Variants in ATG5 observed in about 807,000 individuals in gnomAD.
ATG5 encodes autophagy related 5.
In ATG5, 14 loss-of-function variants were observed where a neutral mutation model predicts 36.5. The ratio of observed to expected loss-of-function variants is 0.38; its 90% CI spans 0.25 to 0.60. The LOEUF is 0.60. Ranked by LOEUF, ATG5 falls within the 20% of genes least tolerant of loss-of-function variation. The probability of loss-of-function intolerance (pLI) is 0.60; values close to 1 mark genes in which losing one functional copy is unlikely to be tolerated. For missense variants in ATG5, 195 were observed against 326.7 expected (o/e 0.60, Z 3.11); for synonymous variants, 95 against 101.5 (o/e 0.94, Z 0.38).
rs1344853501 is a variant in ATG5 at position 106,186,679 on chromosome 6, A to G, written c.692-3T>C. 2 of 1,612,948 alleles carry G rather than the reference A, an allele frequency of 1.2e-6. No homozygotes were observed. On this transcript the variant is annotated splice_region_variant and splice_polypyrimidine_tract_variant and intron_variant, in intron 7 of 7. Transcript: ENST00000369076. ...CACTTGATTCTTTTTTTCCCCATCTATTCCAAGAAAGAAACCCAACAACAA... is the reference window on the plus strand; with the variant it reads ...CACTTGATTCTTTTTTTCCCCATCTGTTCCAAGAAAGAAACCCAACAACAA...
chr6:106,273,262 G>A (rs917010624), intron 5 of ATG5, among the ~76,000 whole-genome samples: 3 of 152,090 alleles, frequency 2.0e-5, no homozygotes, highest in African/African-American at 7.2e-5. Context: ...TAGATACACA[G>A]GTAGTAGCTG....
At chr6:106,230,692 C>T (rs192588697) in intron 6 of ATG5, among the ~76,000 whole-genome samples, 104 of 152,156 alleles carry the variant, frequency 6.8e-4, no homozygotes, top group East Asian at 6.8e-3. Flanking sequence ...AAAAACACCC[C>T]TAAGATGTAT....
intron 6 of ATG5, among the ~76,000 whole-genome samples, chr6:106,232,578 AC>A (rs1232490235): frequency 1.3e-5 from 2 of 152,058 alleles, no homozygotes; most frequent in East Asian, 3.9e-4. Context: ...TCCTTTCCCC[AC>A]CAAAGGCAGT....
intron 2 of ATG5, among the ~76,000 whole-genome samples, chr6:106,315,137 T>G (rs1770791316): frequency 6.6e-6 from 1 of 152,194 alleles, no homozygotes; most frequent in Admixed American, 6.5e-5. Flanking sequence ...ATAAGTAGCT[T>G]CCTCCAGTAA....
chr6:106,198,393 AG>A (rs1776285381), intron 7 of ATG5, among the ~76,000 whole-genome samples: 1 of 152,200 alleles, frequency 6.6e-6, no homozygotes, highest in Non-Finnish European at 1.5e-5. Context: ...TAAGAAAAAA[AG>A]TTTTAGTTAT....
chr6:106,323,532 C>A (rs1771178829), intron 1 of ATG5, among the ~76,000 whole-genome samples: 1 of 152,026 alleles, frequency 6.6e-6, no homozygotes, highest in Non-Finnish European at 1.5e-5. Flanking sequence ...AGCCATCACG[C>A]CCGGCCAAGT....
chr6:106,226,536 T>C (rs1777459575), intron 6 of ATG5, among the ~76,000 whole-genome samples: 1 of 151,856 alleles, frequency 6.6e-6, no homozygotes, highest in African/African-American at 2.4e-5. Context: ...CGCAAAGAAC[T>C]AAAAAAAAGT....
chr6:106,227,680 T>TAG (rs1777499734), intron 6 of ATG5, among the ~76,000 whole-genome samples: 1 of 152,186 alleles, frequency 6.6e-6, no homozygotes, highest in South Asian at 2.1e-4. Flanking sequence ...CTTAAGACTG[T>TAG]AGATCAATAC....
intron 5 of ATG5, among the ~76,000 whole-genome samples, chr6:106,249,977 T>C (rs781573261): frequency 2.6e-5 from 4 of 152,226 alleles, no homozygotes; most frequent in African/African-American, 4.8e-5. Flanking sequence ...AAGAGTTCTT[T>C]ATAAATTCTG....
chr6:106,284,658 T>C (rs710091), intron 4 of ATG5, among the ~76,000 whole-genome samples: 7,441 of 152,094 alleles, frequency 0.049, 503 homozygotes, highest in East Asian at 0.25. Flanking sequence ...CCCAGCCTTG[T>C]ACATCATCTT....
At chr6:106,315,088 AC>A (rs1770789517) in intron 2 of ATG5, among the ~76,000 whole-genome samples, 1 of 152,206 alleles carries the variant, frequency 6.6e-6, no homozygotes, top group Non-Finnish European at 1.5e-5. Context: ...AAACAAAAAA[AC>A]AGTCCTATAC....
At chr6:106,235,914 C>A (rs1363985665) in intron 6 of ATG5, among the ~76,000 whole-genome samples, 1 of 152,120 alleles carries the variant, frequency 6.6e-6, no homozygotes, top group Non-Finnish European at 1.5e-5. Context: ...TTCAAGAGGA[C>A]CCCTTCAACA....
intron 5 of ATG5, chr6:106,271,719 C>T (rs1779460841): frequency 6.6e-6 from 1 of 151,738 alleles, no homozygotes; most frequent in African/African-American, 2.4e-5. Context: ...AAACCAACTG[C>T]CAAAAAAATG....
At chr6:106,232,800 T>C (rs915984301) in intron 6 of ATG5, among the ~76,000 whole-genome samples, 2 of 152,166 alleles carry the variant, frequency 1.3e-5, no homozygotes, top group African/African-American at 4.8e-5. Context: ...TATATTCTGC[T>C]TTCCCAAATA....
intron 5 of ATG5, among the ~76,000 whole-genome samples, chr6:106,261,090 A>C (rs570201512): frequency 5.1e-4 from 77 of 152,228 alleles, no homozygotes; most frequent in Non-Finnish European, 1.0e-3. Context: ...AGACTAGGCA[A>C]GTTTAAATTA....
intron 6 of ATG5, among the ~76,000 whole-genome samples, chr6:106,234,880 C>T (rs1437722453): frequency 2.0e-5 from 3 of 152,214 alleles, no homozygotes; most frequent in Non-Finnish European, 4.4e-5. Flanking sequence ...GCAAGATCAA[C>T]TTAACTTCCT....
intron 4 of ATG5, among the ~76,000 whole-genome samples, chr6:106,289,400 C>T (rs1293152154): frequency 6.8e-6 from 1 of 146,378 alleles, no homozygotes; most frequent in Non-Finnish European, 1.5e-5. Context: ...TTAGTATATA[C>T]AGAAAAAAAA....
intron 5 of ATG5, among the ~76,000 whole-genome samples, chr6:106,278,398 G>C (rs772201627): frequency 1.3e-5 from 2 of 151,970 alleles, no homozygotes; most frequent in Admixed American, 6.5e-5. Flanking sequence ...TTTATTATTT[G>C]TATTTCAATG....
At chr6:106,260,906 G>T (rs1177890044) in intron 5 of ATG5, among the ~76,000 whole-genome samples, 1 of 152,168 alleles carries the variant, frequency 6.6e-6, no homozygotes, top group Non-Finnish European at 1.5e-5. Context: ...AATGTCACAG[G>T]GGTCAGGTGT....
Sources: allele counts gnomAD v4.1 joint callset (sites outside exome capture counted in the v4.1 genomes callset), GRCh38; gene constraint gnomAD v4.1.1; transcripts MANE v1.5; gene names NCBI Gene and HGNC (gene_info 2026-07-23, HGNC 2026-07-21).